Variants in ZNF77 observed in about 807,000 individuals in gnomAD.
ZNF77 encodes ZNFpT1.
In ZNF77, 15 loss-of-function variants were observed where a neutral mutation model predicts 13.5. That is an observed-to-expected ratio of 1.11 (90% CI 0.74 to 1.71). ZNF77 has a LOEUF of 1.71. ZNF77 is among the 40% of genes most tolerant of loss of function. ZNF77 has a pLI of 0.00. For synonymous variants in ZNF77, 282 were observed against 250.0 expected (o/e 1.13, Z -1.21); for missense variants, 717 against 676.4 (o/e 1.06, Z -0.67).
At chr19:2,937,943 C>T (rs1048586105) in intron 2 of ZNF77, among the ~76,000 whole-genome samples, 5 of 152,162 alleles carry the variant, frequency 3.3e-5, no homozygotes, top group African/African-American at 1.2e-4. Context: ...TTTTAGTACA[C>T]ATGGGGTTTC....
chr19:2,944,750 C>G, intron 1 of ZNF77, 88 bp downstream of exon 1: 1 of 1,455,224 alleles, frequency 6.9e-7, no homozygotes, highest in Non-Finnish European at 9.0e-7. Context: ...CGTCCCTCAG[C>G]TTTCTCCGGC....
rs112808489 is a variant in ZNF77 at position 2,941,310 on chromosome 19, G to A, written c.4-1903C>T. 5.8e-3 allele frequency among the ~76,000 whole-genome samples: 881 copies of A among 151,326 alleles called. 9 individuals carry two copies. Among genetic ancestry groups the A allele is most frequent in the African/African-American group, 0.02 (835 of 41,274 alleles). On this transcript the variant is annotated intron_variant, in intron 1 of 3. Coordinates refer to ENST00000314531, the MANE Select transcript of ZNF77 (RefSeq NM_021217.3). The stretch of plus-strand genomic sequence containing the variant: ...CTGGCCAACATGGTGAAACCGCACC[G>A]CTACTAAAAATACAAAAATTAGCCA...
At position 2,944,967 on chromosome 19, in the gene ZNF77, G is replaced by C. The variant is rs2088483654; in HGVS notation, c.-127C>G. ...AAGCGCGCAAGGCAGAGGGGAACTCGGCTTACCGTCCTCGGGGTCTGATTG... is the reference window on the plus strand; with the variant it reads ...AAGCGCGCAAGGCAGAGGGGAACTCCGCTTACCGTCCTCGGGGTCTGATTG... On this transcript the variant is annotated 5_prime_UTR_variant, in exon 1 of 4. Transcript: ENST00000314531. 4.0e-6 allele frequency: 5 copies of C among 1,241,100 alleles called. No individual in the cohort carries two copies. The highest frequency in any genetic ancestry group is 4.3e-6 in the Non-Finnish European group (4 of 931,092). 76.9% of individuals were successfully genotyped at this position (1,241,100 alleles called of 1,614,324 possible). A position where few individuals can be genotyped will look rare whatever the true frequency, so the allele number is the denominator to read the frequency against.
rs1034239737 is a variant in ZNF77 at position 2,934,959 on chromosome 19, T to C, written c.312-144A>G. On this transcript the variant is annotated intron_variant, in intron 3 of 3. Coordinates refer to ENST00000314531, the MANE Select transcript of ZNF77 (RefSeq NM_021217.3). ...TTCAGCACTGTCTGCCTGGTTTCTA[T>C]GGAGAACAAGCTTAATGCTCTAGCT... 1.5e-5 allele frequency: 16 copies of C among 1,101,920 alleles called. No homozygotes were observed. In the African/African-American group the frequency reaches 1.6e-4, roughly 11 times the overall value. 68.3% of individuals were successfully genotyped at this position (1,101,920 alleles called of 1,614,324 possible). A position where few individuals can be genotyped will look rare whatever the true frequency, so the allele number is the denominator to read the frequency against.
In ZNF77 at chr19:2,934,759, A is replaced by C; in HGVS notation, c.368T>G (p.Leu123Trp). 1 of 1,614,084 alleles carries C rather than the reference A, an allele frequency of 6.2e-7. No individual in the cohort carries two copies. Among genetic ancestry groups the C allele is most frequent in the Non-Finnish European group, 8.5e-7 (1 of 1,179,974 alleles). Residue 123 changes from leucine to tryptophan, a missense_variant, in exon 4 of 4, where the codon TTG becomes TGG. Physicochemically the swap from Leu to Trp is moderately conservative, Grantham distance 61 (BLOSUM62 -2). Transcript: ENST00000314531. ...CACAAGAAGGTTCGCAGTCTGGCTCAAGGTCTCTCCGCATTGATGACCTTC... is the reference window on the plus strand; with the variant it reads ...CACAAGAAGGTTCGCAGTCTGGCTCCAGGTCTCTCCGCATTGATGACCTTC... Reference protein sequence around the residue: ...SNEGHQCGETLSQTANLLVHK... With the variant: ...SNEGHQCGETWSQTANLLVHK...
Position 2,943,837 on chromosome 19 carries a change from G to C in ZNF77, c.3+1001C>G, listed in dbSNP as rs564714049. On this transcript the variant is annotated intron_variant, in intron 1 of 3. Transcript: ENST00000314531. ...CCATTCTCCTGTCTCAGCCTCCCTG[G>C]TAGCTGGGATTGCAGGCGCCCGCCA... is the stretch of plus-strand genomic sequence containing the variant. Among the ~76,000 whole-genome samples, 83 of 151,370 alleles carry C rather than the reference G, an allele frequency of 5.5e-4. 2 individuals are homozygous for C. The South Asian group carries it at 0.016, about 29-fold the overall frequency.
In ZNF77 at chr19:2,936,550, C is replaced by T. The variant is rs751289444; in HGVS notation, c.285G>A (p.Gln95=). 1 of 1,607,454 alleles carries T rather than the reference C, an allele frequency of 6.2e-7. No individual in the cohort carries two copies. The highest frequency in any genetic ancestry group is 8.5e-7 in the Non-Finnish European group (1 of 1,178,160). ...ENWRFDNTGD[Q]HQIPQRHLRS... is the part of the protein sequence containing the mutation. ...TCAGATGCCTCTGTGGGATTTGGTG[C>T]TGATCTCCAGTGTTATCAAATCTCC... The change falls in exon 3 of 4, where the codon CAG becomes CAA. Residue 95 remains glutamine (Q), a synonymous_variant. Transcript: ENST00000314531.
In ZNF77 at chr19:2,933,589, G is replaced by GTTC. The variant is rs775303305; in HGVS notation, c.1535_1537dup (p.Arg512dup). The GTTC allele has an allele frequency of 6.2e-7, 1 of 1,613,564 alleles. No homozygotes were observed. The highest frequency in any genetic ancestry group is 1.1e-5 in the South Asian group (1 of 91,020). ...TTCATACGGTCTCTCTCCAGTGTGC[G>GTTC]TTCTCACGTGCACACGAAGGGACGA... is the stretch of plus-strand genomic sequence containing the variant. On this transcript the variant is annotated inframe_insertion, in exon 4 of 4. Coordinates refer to ENST00000314531, the MANE Select transcript of ZNF77 (RefSeq NM_021217.3).
Position 2,934,194 on chromosome 19 carries a change from AAAG to A in ZNF77, c.930_932del (p.Phe311del), listed in dbSNP as rs1268274058. 2.4e-5 allele frequency: 38 copies of A among 1,614,064 alleles called. No homozygotes were observed. Reference sequence around the variant, plus strand: ...CAGTGTGCGTCCTCACGTGATCTCTAAAGGAGGAGTAACAGCTGAATGATTTTC... The same window carrying A: ...CAGTGTGCGTCCTCACGTGATCTCTAGAGGAGTAACAGCTGAATGATTTTC... On this transcript the variant is annotated inframe_deletion, in exon 4 of 4. Coordinates refer to ENST00000314531, the MANE Select transcript of ZNF77 (RefSeq NM_021217.3).
chr19:2,938,600 T>C (rs1187126833), intron 2 of ZNF77, among the ~76,000 whole-genome samples: 1 of 152,174 alleles, frequency 6.6e-6, no homozygotes, highest in Non-Finnish European at 1.5e-5. Context: ...TCCATGGGTG[T>C]TGGGATCATG....
chr19:2,937,117 A>G (rs2088404736), intron 2 of ZNF77, among the ~76,000 whole-genome samples: 1 of 152,152 alleles, frequency 6.6e-6, no homozygotes, highest in African/African-American at 2.4e-5. Flanking sequence ...TGAGCCCAGG[A>G]GGTCAAAGCT....
In ZNF77 at chr19:2,934,360, G is replaced by T; in HGVS notation, c.767C>A (p.Thr256Lys). Reference protein sequence around the residue: ...GKTFMYYSYLTRHVRTHTGEK... With the variant: ...GKTFMYYSYLKRHVRTHTGEK... ...TCCTGTGTGAGTTCTTACGTGCCGT[G>T]TAAGGTAGGAGTAATACATAAAGGT... Residue 256 changes from threonine (T) to lysine (K), a missense_variant, in exon 4 of 4, where the codon ACA becomes AAA. By Grantham distance (78) the Thr-to-Lys change is moderately conservative. Transcript: ENST00000314531. 6.2e-7 allele frequency: 1 copy of T among 1,614,188 alleles called. No individual in the cohort carries two copies. The highest frequency in any genetic ancestry group is 1.1e-5 in the South Asian group (1 of 91,082).
At chr19:2,944,531 TCTA>T (rs894755394) in intron 1 of ZNF77, among the ~76,000 whole-genome samples, 1 of 150,294 alleles carries the variant, frequency 6.7e-6, no homozygotes, top group African/African-American at 2.5e-5. Context: ...CCCTTAAACC[TCTA>T]CTGTCCACTT....
intron 1 of ZNF77, among the ~76,000 whole-genome samples, chr19:2,940,262 G>A (rs953549802): frequency 2.1e-4 from 32 of 151,778 alleles, no homozygotes; most frequent in African/African-American, 7.0e-4. Flanking sequence ...GGTGGTTCAC[G>A]CCTGTAGTTC....
intron 1 of ZNF77, 120 bp from the exon 2 acceptor site, chr19:2,939,527 G>T: frequency 6.9e-7 from 1 of 1,446,166 alleles, no homozygotes; most frequent in Non-Finnish European, 9.4e-7. Flanking sequence ...CCTTGTGAGA[G>T]GTGACCAACA....
chr19:2,941,812 C>G (rs1209198943), intron 1 of ZNF77, among the ~76,000 whole-genome samples: 1 of 152,162 alleles, frequency 6.6e-6, no homozygotes, highest in Non-Finnish European at 1.5e-5. Flanking sequence ...AAACTCTGCA[C>G]CCTGCCTAAG....
intron 2 of ZNF77, among the ~76,000 whole-genome samples, chr19:2,937,610 G>A (rs1202847259): frequency 6.6e-6 from 1 of 152,148 alleles, no homozygotes; most frequent in African/African-American, 2.4e-5. Flanking sequence ...GTTTGCACAT[G>A]CACAAATGCT....
intron 1 of ZNF77, 32 bp downstream of exon 1, chr19:2,944,806 G>T: frequency 6.6e-7 from 1 of 1,511,468 alleles, no homozygotes; most frequent in Non-Finnish European, 8.8e-7. Flanking sequence ...ACCTCGCCCT[G>T]GGCCCGGGCT....
intron 1 of ZNF77, 112 bp from the exon 2 acceptor site, chr19:2,939,519 T>C: frequency 6.7e-7 from 1 of 1,482,436 alleles, no homozygotes; most frequent in Non-Finnish European, 9.1e-7. Flanking sequence ...GCTTATGTCC[T>C]TGTGAGAGGT....
Sources: allele counts gnomAD v4.1 joint callset (sites outside exome capture counted in the v4.1 genomes callset), GRCh38; gene constraint gnomAD v4.1.1; transcripts MANE v1.5; gene names NCBI Gene and HGNC (gene_info 2026-07-23, HGNC 2026-07-21).